DEPDC4: variants seen among roughly 807,000 people sequenced by gnomAD.
DEPDC4 encodes the protein DEP domain containing 4, also known as DEP domain-containing protein 4.
A neutral mutation model predicts 52.0 loss-of-function variants in DEPDC4; 52 were observed. The observed-to-expected ratio is 1.00, with a 90% CI of 0.80 to 1.26. The LOEUF is 1.26. Among genes scored for constraint, DEPDC4 ranks in the 50% most tolerant of loss-of-function variants. The pLI, the probability that DEPDC4 is intolerant of heterozygous loss-of-function variation, is 0.00. For synonymous variants in DEPDC4, 201 were observed against 196.8 expected (o/e 1.02, Z -0.18); for missense variants, 530 against 546.9 (o/e 0.97, Z 0.31).
chr12:100,276,243 T>C, the DEPDC4 span, among the ~76,000 whole-genome samples: 2 of 152,220 alleles, frequency 1.3e-5, no homozygotes, highest in Non-Finnish European at 2.9e-5. Context: ...TTTGATGATA[T>C]ACCCTATTCA....
chr12:100,238,837 G>C (rs145646988), downstream of DEPDC4, among the ~76,000 whole-genome samples: 97 of 152,116 alleles, frequency 6.4e-4, no homozygotes, highest in African/African-American at 2.3e-3. Flanking sequence ...TTATCCATAA[G>C]GTAAAAGCAA....
the DEPDC4 span, among the ~76,000 whole-genome samples, chr12:100,273,632 T>C: frequency 6.6e-6 from 1 of 152,230 alleles, no homozygotes; most frequent in Non-Finnish European, 1.5e-5. Flanking sequence ...TCTGAAAATA[T>C]GCTTTGTTTT....
At chr12:100,271,558 T>C (rs1455669977), upstream of DEPDC4, among the ~76,000 whole-genome samples, 1 of 152,204 alleles carries the variant, frequency 6.6e-6, no homozygotes, top group Non-Finnish European at 1.5e-5. Context: ...TAAAGCAAAC[T>C]ATTTTGAGTT....
chr12:100,272,645 A>T, the DEPDC4 span, among the ~76,000 whole-genome samples: 2 of 152,120 alleles, frequency 1.3e-5, no homozygotes, highest in Admixed American at 6.6e-5. Flanking sequence ...CCCCTATAAA[A>T]CAACTGGCTT....
chr12:100,276,034 G>A, the DEPDC4 span, among the ~76,000 whole-genome samples: 1 of 152,048 alleles, frequency 6.6e-6, no homozygotes, highest in African/African-American at 2.4e-5. Flanking sequence ...TTGGTCGTGG[G>A]GTTGGATGTG....
At chr12:100,273,097 AG>A in the DEPDC4 span, among the ~76,000 whole-genome samples, 1 of 152,076 alleles carries the variant, frequency 6.6e-6, no homozygotes, top group Non-Finnish European at 1.5e-5. Context: ...TCTGCTTGAT[AG>A]AGTGATTGAT....
chr12:100,249,706 G>T (rs1449785400), intron 7 of DEPDC4, among the ~76,000 whole-genome samples: 1 of 152,036 alleles, frequency 6.6e-6, no homozygotes, highest in African/African-American at 2.4e-5. Flanking sequence ...GCTTCCACTT[G>T]TCCTGCCACT....
At chr12:100,254,064 A>C (rs993678188) in intron 4 of DEPDC4, among the ~76,000 whole-genome samples, 2 of 152,098 alleles carry the variant, frequency 1.3e-5, no homozygotes, top group Non-Finnish European at 2.9e-5. Context: ...TTATTATTTG[A>C]AAATAAGATA....
chr12:100,253,552 CTT>C lies in DEPDC4; in HGVS notation c.1040_1041del (p.Gln347ArgfsTer8), dbSNP rs750859093. 3 of 1,288,662 alleles carry C rather than the reference CTT, an allele frequency of 2.3e-6. No individual in the cohort carries two copies. Among genetic ancestry groups the C allele is most frequent in the East Asian group, 5.5e-5 (1 of 18,038 alleles). 79.8% of individuals were successfully genotyped at this position (1,288,662 alleles called of 1,614,324 possible). ...LFDVIAKYYA[Q>X]ERDCLLTDEY... ...TCATCAGTTAATAGGCAATCTCTCTCTTGAGCATAGTATTTTGCTATGACATC... is the reference window on the plus strand; with the variant it reads ...TCATCAGTTAATAGGCAATCTCTCTCGAGCATAGTATTTTGCTATGACATC... On this transcript the variant is annotated frameshift_variant, in exon 5 of 10. Coordinates refer to ENST00000550587, the MANE Select transcript of DEPDC4 (RefSeq NM_001364818.2). LOFTEE classifies it high-confidence loss of function.
At chr12:100,249,721 A>G (rs1406410568) in intron 7 of DEPDC4, among the ~76,000 whole-genome samples, 6 of 152,142 alleles carry the variant, frequency 3.9e-5, no homozygotes, top group Non-Finnish European at 8.8e-5. Flanking sequence ...GCCACTTTCC[A>G]GCCATGATGC....
intron 3 of DEPDC4, among the ~76,000 whole-genome samples, chr12:100,256,984 G>A (rs1056127999): frequency 5.9e-5 from 9 of 151,910 alleles, no homozygotes; most frequent in Admixed American, 2.0e-4. Flanking sequence ...GGCTAATTTT[G>A]TCTTGGATTT....
At chr12:100,267,156 C>G, upstream of DEPDC4, 1 of 1,477,126 alleles carries the variant, frequency 6.8e-7, no homozygotes, top group Non-Finnish European at 9.2e-7. Context: ...TGACGTCATG[C>G]CCCCGGCCGG....
chr12:100,264,218 T>G, intron 1 of DEPDC4, among the ~76,000 whole-genome samples: 1 of 152,242 alleles, frequency 6.6e-6, no homozygotes, highest in East Asian at 1.9e-4. Flanking sequence ...TTAAAAGTAA[T>G]GCAAATACAC....
At position 100,241,384 on chromosome 12, in the gene DEPDC4, TTAAAAG is replaced by T. The variant is rs1396046859; in HGVS notation, c.*502_*507del. On this transcript the variant is annotated 3_prime_UTR_variant, in exon 10 of 10. Transcript: ENST00000550587. ...TTAACATATTTTAAGCATGATTAAA[TTAAAAG>T]TAATATTTTATAAAAATAAAATAAT... Among the ~76,000 whole-genome samples the T allele has an allele frequency of 6.6e-6, 1 of 152,080 alleles. No individual in the cohort carries two copies. Among genetic ancestry groups the T allele is most frequent in the African/African-American group, 2.4e-5 (1 of 41,410 alleles).
intron 3 of DEPDC4, among the ~76,000 whole-genome samples, chr12:100,258,270 A>G (rs2096241922): frequency 6.6e-6 from 1 of 152,196 alleles, no homozygotes; most frequent in East Asian, 1.9e-4. Context: ...ATACATTTGA[A>G]GATACTTCCT....
rs1555312802 is a variant in DEPDC4, at chr12:100,259,081, A to AATATATATAT, written c.701-2865_701-2856dup. ...GCAAAAATCTGTCTCAAAAAAAAAA[A>AATATATATAT]ATATATATATATATCCCATGTACCC... is the stretch of plus-strand genomic sequence containing the variant. On this transcript the variant is annotated intron_variant, in intron 3 of 9. Coordinates refer to ENST00000550587, the MANE Select transcript of DEPDC4 (RefSeq NM_001364818.2). 1.1e-4 allele frequency among the ~76,000 whole-genome samples: 16 copies of AATATATATAT among 149,188 alleles called. 1 individual carries two copies. Among genetic ancestry groups the AATATATATAT allele is most frequent in the African/African-American group, 3.5e-4 (14 of 39,916 alleles).
At chr12:100,261,908 G>C in intron 3 of DEPDC4, 1 of 407,216 alleles carries the variant, frequency 2.5e-6, no homozygotes, top group Non-Finnish European at 4.8e-6. Flanking sequence ...GTAAAGCACA[G>C]AGAATTTTTA....
chr12:100,266,920 C>CGTA lies in DEPDC4; in HGVS notation c.156_157insTAC (p.Thr52_Gly53insTyr). On this transcript the variant is annotated inframe_insertion and splice_region_variant, in exon 1 of 10. Transcript: ENST00000550587. The stretch of plus-strand genomic sequence containing the variant: ...ATTTGGCTAGGATATACAGGGCTAC[C>CGTA]TGTCCTCCTTTTCCGGCAGAAGCCA... 1 of 1,613,100 alleles carries CGTA rather than the reference C, an allele frequency of 6.2e-7. No homozygotes were observed. The highest frequency in any genetic ancestry group is 8.5e-7 in the Non-Finnish European group (1 of 1,179,480).
intron 8 of DEPDC4, among the ~76,000 whole-genome samples, chr12:100,244,396 C>T (rs953942442): frequency 2.6e-5 from 4 of 151,024 alleles, no homozygotes; most frequent in South Asian, 2.1e-4. Flanking sequence ...TTAGCCAGGA[C>T]GGTATCAATC....
Sources: allele counts gnomAD v4.1 joint callset (sites outside exome capture counted in the v4.1 genomes callset), GRCh38; gene constraint gnomAD v4.1.1; transcripts MANE v1.5; gene names NCBI Gene and HGNC (gene_info 2026-07-23, HGNC 2026-07-21).